RALGAPA1: variants seen among roughly 807,000 people sequenced by gnomAD.
The protein encoded by RALGAPA1 is ral GTPase-activating protein subunit alpha-1.
A neutral mutation model predicts 269.6 loss-of-function variants in RALGAPA1; 52 were observed. The ratio of observed to expected loss-of-function variants is 0.19; its 90% CI spans 0.15 to 0.24. The LOEUF is 0.24. Among genes scored for constraint, RALGAPA1 ranks in the 10% least tolerant of loss-of-function variants. The pLI, the probability that RALGAPA1 is intolerant of heterozygous loss-of-function variation, is 1.00. For synonymous variants in RALGAPA1, 817 were observed against 1,008.3 expected, an observed-to-expected ratio of 0.81 and a Z score of 3.60; for missense variants, 1,917 against 3,013.9, an observed-to-expected ratio of 0.64 and a Z score of 8.52.
chr14:35,548,987 T>C, intron 40 of RALGAPA1, 123 bp downstream of exon 40: 1 of 1,153,310 alleles, frequency 8.7e-7, no homozygotes, highest in Non-Finnish European at 1.2e-6. Context: ...ATTCAAATAT[T>C]AAATAGTGAT....
chr14:35,561,636 GTA>G (rs2056268955), intron 39 of RALGAPA1, among the ~76,000 whole-genome samples: 1 of 149,678 alleles, frequency 6.7e-6, no homozygotes, highest in Non-Finnish European at 1.5e-5. Flanking sequence ...AGCCTCCTGA[GTA>G]GCTGGGATTA....
intron 4 of RALGAPA1, among the ~76,000 whole-genome samples, chr14:35,769,544 C>T: frequency 6.6e-6 from 1 of 151,952 alleles, no homozygotes; most frequent in East Asian, 1.9e-4. Context: ...GAGATATACA[C>T]ATGTAACAAA....
chr14:35,551,036 T>G (rs1566656749), intron 39 of RALGAPA1, among the ~76,000 whole-genome samples: 1 of 152,178 alleles, frequency 6.6e-6, no homozygotes, highest in African/African-American at 2.4e-5. Context: ...CTTTTTTCAT[T>G]GGGGGAGATT....
intron 37 of RALGAPA1, among the ~76,000 whole-genome samples, chr14:35,580,639 A>G (rs1253048331): frequency 1.3e-5 from 2 of 152,232 alleles, no homozygotes; most frequent in Non-Finnish European, 2.9e-5. Flanking sequence ...TGCTACATTT[A>G]AATAGGTCCA....
At chr14:35,721,949 A>G (rs2069454517) in intron 15 of RALGAPA1, 100 bp from the exon 16 acceptor site, 1 of 943,632 alleles carries the variant, frequency 1.1e-6, no homozygotes, top group African/African-American at 1.7e-5. Context: ...GTTTGCTCAC[A>G]TAAATTATAA....
intron 7 of RALGAPA1, among the ~76,000 whole-genome samples, chr14:35,754,477 C>T (rs1456924038): frequency 6.6e-6 from 1 of 152,052 alleles, no homozygotes; most frequent in Non-Finnish European, 1.5e-5. Flanking sequence ...TTCAACATAC[C>T]ATTAGCTGTT....
At chr14:35,563,670 C>G (rs1287571475) in intron 39 of RALGAPA1, among the ~76,000 whole-genome samples, 2 of 152,154 alleles carry the variant, frequency 1.3e-5, no homozygotes, top group Non-Finnish European at 2.9e-5. Flanking sequence ...AAATACTCAT[C>G]ATAAATTGAA....
intron 1 of RALGAPA1, among the ~76,000 whole-genome samples, chr14:35,806,347 G>C (rs1326939016): frequency 1.3e-5 from 2 of 152,028 alleles, no homozygotes; most frequent in African/African-American, 2.4e-5. Context: ...TTGTAAAATG[G>C]GGGGGAGGGG....
At position 35,748,910 on chromosome 14, in the gene RALGAPA1, C is replaced by A; in HGVS notation, c.1012-86G>T. The A allele has an allele frequency of 2.8e-6, 4 of 1,419,656 alleles. 1 individual carries two copies. The South Asian group carries it at 4.9e-5, about 17-fold the overall frequency. 87.9% of individuals were successfully genotyped at this position (1,419,656 alleles called of 1,614,324 possible). A position where few individuals can be genotyped will look rare whatever the true frequency, so the allele number is the denominator to read the frequency against. On this transcript the variant is annotated intron_variant, in intron 9 of 41. Coordinates refer to ENST00000680220, the MANE Select transcript of RALGAPA1 (RefSeq NM_001346249.2). ...TTTGTCTTTTAATAGGTAATACTGA[C>A]AAAATCCAAAACATTTCCCAAGTAA...
intron 1 of RALGAPA1, among the ~76,000 whole-genome samples, chr14:35,799,346 G>A (rs563408365): frequency 3.3e-5 from 5 of 152,216 alleles, no homozygotes; most frequent in African/African-American, 1.2e-4. Context: ...TGGATCACCT[G>A]AGGTCAGAAG....
intron 35 of RALGAPA1, among the ~76,000 whole-genome samples, chr14:35,610,058 A>T (rs2059834998): frequency 6.6e-6 from 1 of 151,938 alleles, no homozygotes; most frequent in Non-Finnish European, 1.5e-5. Flanking sequence ...AAAAAAATCA[A>T]TGAACCCAAA....
chr14:35,707,271 T>G (rs1212646638), intron 16 of RALGAPA1: 1 of 152,212 alleles, frequency 6.6e-6, no homozygotes, highest in East Asian at 1.9e-4. Context: ...AATAATCATG[T>G]CATCTACAAA....
At chr14:35,679,769 T>C (rs1474781958) in intron 21 of RALGAPA1, among the ~76,000 whole-genome samples, 2 of 152,204 alleles carry the variant, frequency 1.3e-5, no homozygotes, top group Non-Finnish European at 2.9e-5. Context: ...TTTTAAGTAG[T>C]AGCACAGTAA....
intron 1 of RALGAPA1, among the ~76,000 whole-genome samples, chr14:35,785,872 T>C (rs561001649): frequency 6.6e-6 from 1 of 152,128 alleles, no homozygotes; most frequent in East Asian, 1.9e-4. Context: ...GTAGCAGTGG[T>C]TTTGACTATG....
intron 31 of RALGAPA1, among the ~76,000 whole-genome samples, chr14:35,642,996 T>C (rs542676745): frequency 1.2e-4 from 19 of 152,266 alleles, no homozygotes; most frequent in South Asian, 4.1e-4. Flanking sequence ...TGGAATACTA[T>C]GCAGCCATAA....
chr14:35,756,709 T>C (rs1053390707), intron 7 of RALGAPA1, 84 bp downstream of exon 7: 17 of 994,208 alleles, frequency 1.7e-5, no homozygotes, highest in Middle Eastern at 3.4e-4. Context: ...ATATCTACTA[T>C]GACAGAATAA....
At chr14:35,594,680 T>G (rs534032637) in intron 37 of RALGAPA1, among the ~76,000 whole-genome samples, 11 of 148,804 alleles carry the variant, frequency 7.4e-5, no homozygotes, top group African/African-American at 2.7e-4. Flanking sequence ...AGGGGAACAC[T>G]AGTACACTGT....
chr14:35,578,592 G>A (rs1320425867), intron 37 of RALGAPA1, among the ~76,000 whole-genome samples: 2 of 152,180 alleles, frequency 1.3e-5, no homozygotes, highest in African/African-American at 2.4e-5. Context: ...AACAGGCACA[G>A]CATCCAATAC....
rs536905517 is a variant in RALGAPA1, at chr14:35,671,318, T to C, written c.5202+71A>G. On this transcript the variant is annotated intron_variant, in intron 26 of 41. Transcript: ENST00000680220. ...AAATTTCCTGATTATCAGCTTGTTA[T>C]GTTTTATCAACTTTGTTAGTTGAAT... 1.8e-5 allele frequency: 24 copies of C among 1,365,630 alleles called. No homozygotes were observed. In the Admixed American group the frequency reaches 3.2e-4, roughly 18 times the overall value. 84.6% of individuals were successfully genotyped at this position (1,365,630 alleles called of 1,614,324 possible).
Sources: allele counts gnomAD v4.1 joint callset (sites outside exome capture counted in the v4.1 genomes callset), GRCh38; gene constraint gnomAD v4.1.1; transcripts MANE v1.5; gene names NCBI Gene and HGNC (gene_info 2026-07-23, HGNC 2026-07-21).